The following HIVEP1 variants were observed in gnomAD, a reference collection of about 807,000 sequenced individuals.
HIVEP1 encodes zinc finger protein 40.
Under a neutral mutation model 180.0 loss-of-function variants are expected in HIVEP1, and 36 were observed. The observed-to-expected ratio is 0.20, with a 90% CI of 0.15 to 0.26. The LOEUF is 0.26. HIVEP1 is among the 10% of genes least tolerant of loss of function. The pLI, the probability that HIVEP1 is intolerant of heterozygous loss-of-function variation, is 1.00. For synonymous variants in HIVEP1, 1,239 were observed against 1,239.0 expected, an observed-to-expected ratio of 1.00 and a Z score of 0.00; for missense variants, 3,143 against 3,268.7, an observed-to-expected ratio of 0.96 and a Z score of 0.94.
At chr6:12,169,447 C>G (rs1303039031), downstream of HIVEP1, among the ~76,000 whole-genome samples, 7 of 152,050 alleles carry the variant, frequency 4.6e-5, no homozygotes, top group Admixed American at 2.0e-4. Flanking sequence ...AAGAAAACGC[C>G]CAGACATCCA....
intron 2 of HIVEP1, among the ~76,000 whole-genome samples, chr6:12,070,152 TA>T (rs1771872988): frequency 6.6e-6 from 1 of 152,198 alleles, no homozygotes; most frequent in Admixed American, 6.5e-5. Flanking sequence ...ATTTTACTAT[TA>T]ACTTTTTTTA....
At position 12,124,715 on chromosome 6, in the gene HIVEP1, G is replaced by A; in HGVS notation, c.4920G>A (p.Leu1640=). 6.2e-7 allele frequency: 1 copy of A among 1,614,166 alleles called. No individual in the cohort carries two copies. Among genetic ancestry groups the A allele is most frequent in the East Asian group, 2.2e-5 (1 of 44,884 alleles). Residue 1640 remains leucine, a synonymous_variant, in exon 4 of 9, where the codon CTG becomes CTA. Transcript: ENST00000379388. ...VPSSFMLPIR[L]QSSVPAYCFA... is the part of the protein sequence containing the mutation. The stretch of plus-strand genomic sequence containing the variant: ...CATCATTCATGCTGCCCATACGCCT[G>A]CAGAGTAGTGTTCCTGCTTACTGTT...
Position 12,120,608 on chromosome 6 carries a change from G to A in HIVEP1, c.813G>A (p.Lys271=), listed in dbSNP as rs751955363. ...SYTVHMSAAQ[K]NEQGAMQSAS... ...CAGTCCATATGTCTGCTGCTCAGAA[G>A]AATGAGCAAGGGGCAATGCAGTCAG... is the stretch of plus-strand genomic sequence containing the variant. Residue 271 remains lysine, a synonymous_variant, in exon 4 of 9, where the codon AAG becomes AAA. Transcript: ENST00000379388. 6.2e-7 allele frequency: 1 copy of A among 1,613,998 alleles called. No homozygotes were observed. Among genetic ancestry groups the A allele is most frequent in the East Asian group, 2.2e-5 (1 of 44,894 alleles).
At chr6:12,092,173 C>T (rs1213037080) in intron 3 of HIVEP1, among the ~76,000 whole-genome samples, 1 of 152,102 alleles carries the variant, frequency 6.6e-6, no homozygotes, top group Non-Finnish European at 1.5e-5. Context: ...GCAATTCATC[C>T]CATTGTCTCT....
the HIVEP1 span, among the ~76,000 whole-genome samples, chr6:12,191,925 A>G: frequency 6.6e-6 from 1 of 152,220 alleles, no homozygotes. Context: ...TTCATTTTAT[A>G]GATGAGGGAA....
the HIVEP1 span, among the ~76,000 whole-genome samples, chr6:12,180,122 G>A: frequency 4.6e-5 from 7 of 151,454 alleles, no homozygotes; most frequent in Middle Eastern, 3.4e-3. Flanking sequence ...ATTTTTTTTC[G>A]TTTAATCCTT....
chr6:12,080,977 C>G (rs867555398), intron 2 of HIVEP1, among the ~76,000 whole-genome samples: 4 of 152,230 alleles, frequency 2.6e-5, no homozygotes, highest in Middle Eastern at 3.4e-3. Flanking sequence ...CTCCCTCTAT[C>G]TCTGGGCGCT....
At chr6:12,126,145 TTAG>T (rs1758057243) in intron 4 of HIVEP1, among the ~76,000 whole-genome samples, 1 of 152,230 alleles carries the variant, frequency 6.6e-6, no homozygotes, top group African/African-American at 2.4e-5. Context: ...AAGTCTTTAC[TTAG>T]TAGTACAGAT....
chr6:12,094,942 TAAC>T (rs1773701316), intron 3 of HIVEP1, among the ~76,000 whole-genome samples: 1 of 152,068 alleles, frequency 6.6e-6, no homozygotes. Context: ...CAAGTGTACT[TAAC>T]AATAAGGGAT....
At chr6:12,152,042 G>C (rs1759736819) in intron 7 of HIVEP1, among the ~76,000 whole-genome samples, 1 of 152,152 alleles carries the variant, frequency 6.6e-6, no homozygotes, top group African/African-American at 2.4e-5. Flanking sequence ...TGTAATCCCA[G>C]CTACTCGGGA....
intron 3 of HIVEP1, among the ~76,000 whole-genome samples, chr6:12,110,225 G>T (rs982061656): frequency 5.9e-5 from 9 of 152,230 alleles, no homozygotes; most frequent in African/African-American, 2.2e-4. Context: ...TTTCAGAATA[G>T]TAGATGAGCG....
chr6:12,136,197 A>G (rs1393238175), intron 7 of HIVEP1, among the ~76,000 whole-genome samples: 2 of 152,118 alleles, frequency 1.3e-5, no homozygotes, highest in Admixed American at 1.3e-4. Context: ...ACCTTGATCA[A>G]AATCCTTTGT....
chr6:12,155,451 C>G (rs188781312), intron 7 of HIVEP1, among the ~76,000 whole-genome samples: 54 of 151,736 alleles, frequency 3.6e-4, no homozygotes, highest in Admixed American at 1.4e-3. Context: ...ATTGTTCCCC[C>G]CAATGTGTCC....
At chr6:12,144,456 G>A (rs1184626909) in intron 7 of HIVEP1, among the ~76,000 whole-genome samples, 1 of 152,178 alleles carries the variant, frequency 6.6e-6, no homozygotes, top group African/African-American at 2.4e-5. Context: ...ATACCATTCA[G>A]AACATAGACA....
At position 12,041,015 on chromosome 6, in the gene HIVEP1, A is replaced by G. The variant is rs576239307; in HGVS notation, c.40+25347A>G. 8.5e-4 allele frequency among the ~76,000 whole-genome samples: 130 copies of G among 152,292 alleles called. No individual in the cohort carries two copies. The Middle Eastern group carries it at 0.01, about 12-fold the overall frequency. On this transcript the variant is annotated intron_variant, in intron 2 of 8. Transcript: ENST00000379388. ...CCAGCATTGGGCATTACAATACAAC[A>G]TGAGATTTGGGTTGGGACAAATATC...
chr6:12,122,308 G>A lies in HIVEP1; in HGVS notation c.2513G>A (p.Arg838Lys), dbSNP rs1757725600. 1 of 1,614,082 alleles carries A rather than the reference G, an allele frequency of 6.2e-7. No individual in the cohort carries two copies. Among genetic ancestry groups the A allele is most frequent in the Non-Finnish European group, 8.5e-7 (1 of 1,180,038 alleles). The change falls in exon 4 of 9, where the codon AGA (arginine) becomes AAA (lysine). Residue 838 changes from arginine (R) to lysine (K), a missense_variant. Arg to Lys is a conservative substitution (Grantham distance 26, BLOSUM62 2). Transcript: ENST00000379388. The stretch of plus-strand genomic sequence containing the variant: ...TCACTTGACTGTTTACCTATCACAA[G>A]AAGTAATTCCATGCCGACCACAGGT... ...VPSLDCLPIT[R>K]SNSMPTTGYS...
chr6:12,065,284 C>T (rs1414706503), intron 2 of HIVEP1, among the ~76,000 whole-genome samples: 3 of 152,072 alleles, frequency 2.0e-5, no homozygotes, highest in Non-Finnish European at 4.4e-5. Flanking sequence ...CTGATCATGG[C>T]GTTTGATATT....
chr6:12,156,496 TC>T, intron 7 of HIVEP1, among the ~76,000 whole-genome samples: 1 of 152,278 alleles, frequency 6.6e-6, no homozygotes, highest in South Asian at 2.1e-4. Flanking sequence ...AGGGACTCTT[TC>T]CCCCCATCAC....
At chr6:12,112,917 C>T (rs983532766) in intron 3 of HIVEP1, among the ~76,000 whole-genome samples, 2 of 152,140 alleles carry the variant, frequency 1.3e-5, no homozygotes, top group Non-Finnish European at 2.9e-5. Flanking sequence ...CTGTTCTTCT[C>T]CCGGCTGCAG....
Sources: gnomAD v4.1 joint callset for allele counts (sites outside exome capture counted in the v4.1 genomes callset) on GRCh38, gnomAD v4.1.1 for gene constraint, MANE v1.5 for transcripts, NCBI Gene and HGNC (gene_info 2026-07-23, HGNC 2026-07-21) for gene names.